Variants in OR11G2 observed in about 807,000 individuals in gnomAD.
The protein encoded by OR11G2 is olfactory receptor family 11 subfamily G member 2.
In OR11G2, 2 loss-of-function variants were observed where a neutral mutation model predicts 0.9. The observed-to-expected ratio is 2.35, with a 90% CI of 0.96 to 7.38. The LOEUF is 7.38. OR11G2 is among the 30% of genes most tolerant of loss of function. OR11G2 has a pLI of 0.05. For synonymous variants in OR11G2, 153 were observed against 142.0 expected (o/e 1.08, Z -0.55); for missense variants, 395 against 371.3 (o/e 1.06, Z -0.52).
At chr14:20,192,738 A>T (rs949563375) in intron 1 of OR11G2, among the ~76,000 whole-genome samples, 6 of 152,188 alleles carry the variant, frequency 3.9e-5, no homozygotes, top group Non-Finnish European at 4.4e-5. Context: ...GTAGACAATC[A>T]TTTTTTAACA....
intron 1 of OR11G2, among the ~76,000 whole-genome samples, chr14:20,192,670 A>G (rs1313069118): frequency 6.6e-6 from 1 of 152,230 alleles, no homozygotes; most frequent in Admixed American, 6.5e-5. Flanking sequence ...TTGAAGTTCA[A>G]TGAAGTAATT....
chr14:20,196,926 A>C (rs990871152), intron 1 of OR11G2, among the ~76,000 whole-genome samples: 1 of 152,258 alleles, frequency 6.6e-6, no homozygotes, highest in Non-Finnish European at 1.5e-5. Context: ...GCCAGTGTCA[A>C]AAGTGACATA....
Position 20,198,158 on chromosome 14 carries a change from G to T in OR11G2, c.721G>T (p.Ala241Ser), listed in dbSNP as rs753096114. 15 of 1,613,918 alleles carry T rather than the reference G, an allele frequency of 9.3e-6. No homozygotes were observed. Among genetic ancestry groups the T allele is most frequent in the East Asian group, 6.7e-5 (3 of 44,886 alleles). ...CCCTTCAGCAGCTGGGAGAAGAAAG[G>T]CTTTCTCCACCTGTGGGTCTCACCT... ...RVPSAAGRRK[A>S]FSTCGSHLAV... The change falls in exon 2 of 2, where the codon GCT (alanine) becomes TCT (serine). Residue 241 changes from alanine (A) to serine (S), a missense_variant. Ala to Ser is a moderately conservative substitution (Grantham distance 99). Transcript: ENST00000641879.
intron 1 of OR11G2, among the ~76,000 whole-genome samples, chr14:20,194,062 A>C (rs779409011): frequency 6.6e-6 from 1 of 152,156 alleles, no homozygotes; most frequent in East Asian, 1.9e-4. Context: ...TATGTGTGTG[A>C]GAGAGAGAAA....
Position 20,197,489 on chromosome 14 carries a change from C to G in OR11G2, c.52C>G (p.Leu18Val). 6.2e-7 allele frequency: 1 copy of G among 1,614,078 alleles called. No individual in the cohort carries two copies. The highest frequency in any genetic ancestry group is 8.5e-7 in the Non-Finnish European group (1 of 1,180,022). Residue 18 changes from leucine to valine, a missense_variant, in exon 2 of 2, where the codon CTC becomes GTC. Leu to Val is a conservative substitution (Grantham distance 32). Transcript: ENST00000641879. ...SNSSTFTGFI[L>V]LGFPCPREGQ... ...CTCCAGCACCTTCACTGGCTTCATC[C>G]TCCTGGGCTTCCCTTGCCCCAGGGA...
intron 1 of OR11G2, among the ~76,000 whole-genome samples, chr14:20,196,185 G>A (rs181693629): frequency 9.2e-5 from 14 of 152,286 alleles, no homozygotes; most frequent in Admixed American, 7.8e-4. Flanking sequence ...GGCTACCCTT[G>A]CAAAGTTATC....
intron 1 of OR11G2, 93 bp from the exon 2 acceptor site, chr14:20,197,340 AT>A: frequency 6.6e-7 from 1 of 1,505,748 alleles, no homozygotes; most frequent in Non-Finnish European, 9.0e-7. Flanking sequence ...AAATTTATGC[AT>A]TTTCTTTCCC....
chr14:20,198,054 T>G lies in OR11G2; in HGVS notation c.617T>G (p.Leu206Ter). 6.2e-7 allele frequency: 1 copy of G among 1,614,160 alleles called. No homozygotes were observed. Among genetic ancestry groups the G allele is most frequent in the Non-Finnish European group, 8.5e-7 (1 of 1,180,018 alleles). Residue 206 changes from leucine to a stop codon, truncating the protein, a stop_gained, in exon 2 of 2, where the codon TTA becomes TGA. Coordinates refer to ENST00000641879, the MANE Select transcript of OR11G2 (RefSeq NM_001386033.1). LOFTEE classifies it low-confidence loss of function (END_TRUNC). ...GTGATAGAGCTTGTCTTTTCTGTCTTAAGTCCTCTGCCTGTCTTTATGCTC... is the reference window on the plus strand; with the variant it reads ...GTGATAGAGCTTGTCTTTTCTGTCTGAAGTCCTCTGCCTGTCTTTATGCTC... ...GPVIELVFSVLSPLPVFMLFL... is the reference protein window; with the variant it reads ...GPVIELVFSV
chr14:20,193,871 G>A (rs1182994195), intron 1 of OR11G2, among the ~76,000 whole-genome samples: 1 of 152,220 alleles, frequency 6.6e-6, no homozygotes, highest in Non-Finnish European at 1.5e-5. Context: ...TGGCTAGTGT[G>A]TGTGTAGTCC....
chr14:20,198,058 T>C lies in OR11G2; in HGVS notation c.621T>C (p.Ser207=), dbSNP rs1879812047. 6.2e-7 allele frequency: 1 copy of C among 1,614,138 alleles called. No individual in the cohort carries two copies. Among genetic ancestry groups the C allele is most frequent in the Non-Finnish European group, 8.5e-7 (1 of 1,180,022 alleles). Residue 207 remains serine, a synonymous_variant, in exon 2 of 2, where the codon AGT becomes AGC. Transcript: ENST00000641879. ...PVIELVFSVL[S]PLPVFMLFLF... is the part of the protein sequence containing the mutation. ...TAGAGCTTGTCTTTTCTGTCTTAAGTCCTCTGCCTGTCTTTATGCTCTTTC... is the reference window on the plus strand; with the variant it reads ...TAGAGCTTGTCTTTTCTGTCTTAAGCCCTCTGCCTGTCTTTATGCTCTTTC...
In OR11G2 at chr14:20,198,800, A is replaced by G. The variant is rs1879841458; in HGVS notation, c.*427A>G. 1 of 152,206 alleles carries G rather than the reference A, an allele frequency of 6.6e-6. No homozygotes were observed. Among genetic ancestry groups the G allele is most frequent in the Admixed American group, 6.5e-5 (1 of 15,280 alleles). 9.4% of individuals were successfully genotyped at this position (152,206 alleles called of 1,614,324 possible). A position where few individuals can be genotyped will look rare whatever the true frequency, so the allele number is the denominator to read the frequency against. ...TCTTACTATTGGCCAAAGCTAAAAT[A>G]CCTGTGAGCATGTTTCTGTTATTTC... On this transcript the variant is annotated 3_prime_UTR_variant, in exon 2 of 2. Coordinates refer to ENST00000641879, the MANE Select transcript of OR11G2 (RefSeq NM_001386033.1).
intron 1 of OR11G2, 163 bp from the exon 2 acceptor site, chr14:20,197,271 A>C: frequency 1.1e-6 from 1 of 906,742 alleles, no homozygotes; most frequent in Non-Finnish European, 1.7e-6. Context: ...TAAAAGAAAA[A>C]AAGTGACTAT....
intron 1 of OR11G2, among the ~76,000 whole-genome samples, chr14:20,192,645 C>T (rs552459511): frequency 3.6e-4 from 55 of 152,334 alleles, no homozygotes; most frequent in African/African-American, 1.3e-3. Context: ...CCTCAAATTT[C>T]ATCTCTCCTT....
In OR11G2 at chr14:20,197,737, C is replaced by A. The variant is rs915819617; in HGVS notation, c.300C>A (p.Gly100=). ...LSDTKIISFS[G]CFLQFYFFFS... ...ACACCAAGATCATCTCGTTCTCTGG[C>A]TGCTTCCTCCAGTTCTACTTTTTCT... Residue 100 remains glycine (G), a synonymous_variant, in exon 2 of 2, where the codon GGC becomes GGA. Transcript: ENST00000641879. 3.1e-6 allele frequency: 5 copies of A among 1,613,768 alleles called. No homozygotes were observed. Among genetic ancestry groups the A allele is most frequent in the Non-Finnish European group, 4.2e-6 (5 of 1,179,972 alleles).
At chr14:20,194,378 G>T (rs1879711578) in intron 1 of OR11G2, among the ~76,000 whole-genome samples, 1 of 152,156 alleles carries the variant, frequency 6.6e-6, no homozygotes, top group Non-Finnish European at 1.5e-5. Flanking sequence ...GGAGAAGTGA[G>T]CAGACATGAG....
In OR11G2 at chr14:20,198,325, T is replaced by G. The variant is rs200553632; in HGVS notation, c.888T>G (p.Leu296=). 8.1e-5 allele frequency: 129 copies of G among 1,594,460 alleles called. No homozygotes were observed. The highest frequency in any genetic ancestry group is 1.5e-4 in the Admixed American group (8 of 54,252). Residue 296 remains leucine, a synonymous_variant, in exon 2 of 2, where the codon CTT becomes CTG. Coordinates refer to ENST00000641879, the MANE Select transcript of OR11G2 (RefSeq NM_001386033.1). ...TPLLNPVIYS[L]RNKDMRKALK... ...TGCTTAACCCTGTGATATATAGTCT[T>G]AGGAACAAAGATATGAGAAAAGCTC... is the stretch of plus-strand genomic sequence containing the variant.
Position 20,197,418 on chromosome 14 carries a change from C to T in OR11G2, c.-4-16C>T, listed in dbSNP as rs145505238. 1 of 1,612,918 alleles carries T rather than the reference C, an allele frequency of 6.2e-7. No homozygotes were observed. On this transcript the variant is annotated splice_polypyrimidine_tract_variant and intron_variant, in intron 1 of 1. Transcript: ENST00000641879. ...CACCGTCATTCAGTAATTGCTGGTGCTTTTACAATTCACAGGCACATGAAA... is the reference window on the plus strand; with the variant it reads ...CACCGTCATTCAGTAATTGCTGGTGTTTTTACAATTCACAGGCACATGAAA...
chr14:20,197,859 C>T lies in OR11G2; in HGVS notation c.422C>T (p.Thr141Ile), dbSNP rs1426311821. 17 of 1,613,994 alleles carry T rather than the reference C, an allele frequency of 1.1e-5. No individual in the cohort carries two copies. Among genetic ancestry groups the T allele is most frequent in the Non-Finnish European group, 1.2e-5 (14 of 1,180,028 alleles). Residue 141 changes from threonine (T) to isoleucine (I), a missense_variant, in exon 2 of 2, where the codon ACC (threonine) becomes ATC (isoleucine). By Grantham distance (89) the Thr-to-Ile change is moderately conservative (BLOSUM62 -1). Coordinates refer to ENST00000641879, the MANE Select transcript of OR11G2 (RefSeq NM_001386033.1). ...CRPLRYPTIM[T>I]RRLCTNLVVN... is the part of the protein sequence containing the mutation. The stretch of plus-strand genomic sequence containing the variant: ...CCTCTACGCTATCCAACCATTATGA[C>T]CAGACGTCTCTGTACCAATCTTGTG...
intron 1 of OR11G2, 123 bp from the exon 2 acceptor site, chr14:20,197,311 T>C (rs1264097951): frequency 4.6e-6 from 6 of 1,311,850 alleles, no homozygotes; most frequent in Non-Finnish European, 6.3e-6. Flanking sequence ...TTTTTACTTT[T>C]TACTTTTATT....
Sources: allele counts gnomAD v4.1 joint callset (sites outside exome capture counted in the v4.1 genomes callset), GRCh38; gene constraint gnomAD v4.1.1; transcripts MANE v1.5; gene names NCBI Gene and HGNC (gene_info 2026-07-23, HGNC 2026-07-21).